The following AFDN variants were observed in gnomAD, a reference collection of about 807,000 sequenced individuals.
The protein encoded by AFDN is afadin, adherens junction formation factor.
AFDN carries 68 observed loss-of-function variants against 216.6 expected under a neutral mutation model. The ratio of observed to expected loss-of-function variants is 0.31; its 90% confidence interval spans 0.26 to 0.38. The LOEUF (loss-of-function observed/expected upper bound fraction) is 0.38. Among genes scored for constraint, AFDN ranks in the 10% least tolerant of loss-of-function variants. AFDN has a pLI of 1.00. For missense variants in AFDN, 2,136 were observed against 2,342.0 expected, an observed-to-expected ratio of 0.91 and a Z score of 1.82; for synonymous variants, 868 against 853.7, an observed-to-expected ratio of 1.02 and a Z score of -0.29.
At chr6:167,961,917 T>C (rs1229571959) in intron 30 of AFDN, among the ~76,000 whole-genome samples, 1 of 152,168 alleles carries the variant, frequency 6.6e-6, no homozygotes, top group Non-Finnish European at 1.5e-5. Context: ...CCGGGAAAGA[T>C]GGACGACTGC....
rs1317715975 is a variant in AFDN at position 167,917,244 on chromosome 6, T to C, written c.2709+12T>C. The C allele has an allele frequency of 6.3e-7, 1 of 1,579,710 alleles. No homozygotes were observed. Among genetic ancestry groups the C allele is most frequent in the Non-Finnish European group, 8.6e-7 (1 of 1,167,310 alleles). On this transcript the variant is annotated intron_variant, in intron 20 of 33. Transcript: ENST00000683244. The stretch of plus-strand genomic sequence containing the variant: ...CTTTTATCCCAACGGTGAGTGGATG[T>C]TGCCACATTACCACACAGTGCGGGA...
intron 12 of AFDN, among the ~76,000 whole-genome samples, 183 bp from the exon 13 acceptor site, chr6:167,906,988 C>T (rs1049697201): frequency 6.6e-6 from 1 of 152,204 alleles, no homozygotes; most frequent in Non-Finnish European, 1.5e-5. Context: ...TGCTTTAATA[C>T]CAGTGTGCTT....
Position 167,890,899 on chromosome 6 carries a change from C to T in AFDN, c.1047C>T (p.Asp349=). The change falls in exon 8 of 34, where the codon GAC becomes GAT. Residue 349 remains aspartate (D), a synonymous_variant. Transcript: ENST00000683244. ...TTCAGTTGAAGAGGAGGCCACCAGACCACATCCCAAAGAAAACCAAGAAAC... is the reference window on the plus strand; with the variant it reads ...TTCAGTTGAAGAGGAGGCCACCAGATCACATCCCAAAGAAAACCAAGAAAC... ...LVFQLKRRPP[D]HIPKKTKKHL... The T allele has an allele frequency of 1.2e-6, 2 of 1,613,690 alleles. No homozygotes were observed. Among genetic ancestry groups the T allele is most frequent in the Non-Finnish European group, 1.7e-6 (2 of 1,179,816 alleles).
chr6:167,924,207 C>T (rs1792198062), intron 22 of AFDN, among the ~76,000 whole-genome samples: 1 of 151,934 alleles, frequency 6.6e-6, no homozygotes, highest in Admixed American at 6.6e-5. Flanking sequence ...GTATAATTAC[C>T]ACCTCTTGGC....
intron 30 of AFDN, among the ~76,000 whole-genome samples, chr6:167,958,317 G>A (rs568910675): frequency 2.6e-5 from 4 of 152,302 alleles, no homozygotes; most frequent in African/African-American, 9.6e-5. Context: ...CTGGTTCCAA[G>A]CATTTTGGAT....
chr6:167,840,353 A>G (rs979281365), intron 1 of AFDN, among the ~76,000 whole-genome samples: 1 of 152,226 alleles, frequency 6.6e-6, no homozygotes, highest in African/African-American at 2.4e-5. Flanking sequence ...AGAGGATTAT[A>G]TGGCCTTTGC....
chr6:167,964,261 C>A, intron 31 of AFDN: 7 of 1,064,030 alleles, frequency 6.6e-6, no homozygotes, highest in Non-Finnish European at 8.0e-6. Flanking sequence ...ATGTGCCATT[C>A]ATTTGTTGGG....
intron 1 of AFDN, among the ~76,000 whole-genome samples, chr6:167,843,627 T>C (rs1315596425): frequency 6.6e-6 from 1 of 152,220 alleles, no homozygotes; most frequent in African/African-American, 2.4e-5. Context: ...GCACAGTAAA[T>C]TTGAAGACTT....
At chr6:167,873,620 G>A (rs941006451) in intron 4 of AFDN, among the ~76,000 whole-genome samples, 32 of 152,262 alleles carry the variant, frequency 2.1e-4, no homozygotes, top group African/African-American at 7.2e-4. Flanking sequence ...TGAACCCATC[G>A]GCAGACAGCC....
intron 8 of AFDN, 50 bp downstream of exon 8, chr6:167,891,079 T>C: frequency 7.1e-7 from 1 of 1,416,978 alleles, no homozygotes; most frequent in Non-Finnish European, 9.4e-7. Flanking sequence ...CATTTTTAGC[T>C]TCAAATCTTT....
At chr6:167,963,864 G>A in intron 31 of AFDN, 1 of 1,064,322 alleles carries the variant, frequency 9.4e-7, no homozygotes, top group Non-Finnish European at 1.1e-6. Flanking sequence ...GGTTTTTGCT[G>A]TTGCTTTGCT....
At chr6:167,900,223 A>G (rs1218397346) in intron 11 of AFDN, among the ~76,000 whole-genome samples, 5 of 152,202 alleles carry the variant, frequency 3.3e-5, no homozygotes, top group African/African-American at 9.7e-5. Flanking sequence ...ATTTTGCTCT[A>G]GTGTCAAACG....
intron 2 of AFDN, among the ~76,000 whole-genome samples, chr6:167,869,321 A>G (rs1784543115): frequency 6.6e-6 from 1 of 152,176 alleles, no homozygotes; most frequent in East Asian, 1.9e-4. Context: ...GCATTCCTGT[A>G]ACAGATGTTT....
At chr6:167,928,810 G>A (rs1365322126) in intron 23 of AFDN, among the ~76,000 whole-genome samples, 1 of 152,230 alleles carries the variant, frequency 6.6e-6, no homozygotes, top group Non-Finnish European at 1.5e-5. Context: ...CCCCTCTTCT[G>A]TGGGGTGTGA....
intron 1 of AFDN, chr6:167,863,777 A>G (rs1440726638): frequency 3.9e-6 from 2 of 518,756 alleles, no homozygotes; most frequent in Admixed American, 1.9e-5. Flanking sequence ...TTTGGCTGGA[A>G]TACCAATGTG....
In AFDN at chr6:167,971,463, A is replaced by C. The variant is rs45532139; in HGVS notation, c.*1528A>C. The C allele has an allele frequency of 0.02, 3,849 of 195,736 alleles. 67 individuals are homozygous for C. Among genetic ancestry groups the C allele is most frequent in the Non-Finnish European group, 0.032 (2,977 of 94,442 alleles). The allele number at this position is 195,736 out of a possible 1,614,324, so 12.1% of individuals were successfully genotyped here. On this transcript the variant is annotated 3_prime_UTR_variant, in exon 34 of 34. Coordinates refer to ENST00000683244, the MANE Select transcript of AFDN (RefSeq NM_001386888.1). ...TACCTCTATCAGGGTTTTTATTTGAAAGTGTGCTCTTACCATTTCCTTGTT... is the reference window on the plus strand; with the variant it reads ...TACCTCTATCAGGGTTTTTATTTGACAGTGTGCTCTTACCATTTCCTTGTT...
intron 6 of AFDN, among the ~76,000 whole-genome samples, chr6:167,883,407 GACA>G (rs1786391927): frequency 6.6e-6 from 1 of 152,178 alleles, no homozygotes; most frequent in Non-Finnish European, 1.5e-5. Flanking sequence ...TAAAAAAGCA[GACA>G]ACAAGCCCAG....
chr6:167,943,520 G>A (rs1444845022), intron 25 of AFDN, 45 bp downstream of exon 25: 1 of 1,469,852 alleles, frequency 6.8e-7, no homozygotes, highest in Admixed American at 1.7e-5. Flanking sequence ...AGCATTTTTA[G>A]GTGATTTTTG....
intron 6 of AFDN, among the ~76,000 whole-genome samples, chr6:167,885,848 C>T (rs999384997): frequency 2.6e-5 from 4 of 152,226 alleles, no homozygotes; most frequent in Admixed American, 2.0e-4. Flanking sequence ...TTTACGAATA[C>T]CCTGTCTTTG....
Sources: allele counts gnomAD v4.1 joint callset (sites outside exome capture counted in the v4.1 genomes callset), GRCh38; gene constraint gnomAD v4.1.1; transcripts MANE v1.5; gene names NCBI Gene and HGNC (gene_info 2026-07-23, HGNC 2026-07-21).